PCDHGA1: variants seen among roughly 807,000 people sequenced by gnomAD.
The protein encoded by PCDHGA1 is protocadherin gamma-A1.
In PCDHGA1, 32 loss-of-function variants were observed where a neutral mutation model predicts 58.0. That is an observed-to-expected ratio of 0.55 (90% CI 0.42 to 0.74). The LOEUF is 0.74. Ranked by LOEUF, PCDHGA1 falls within the 30% of genes least tolerant of loss-of-function variation. The pLI is 0.00. For synonymous variants in PCDHGA1, 498 were observed against 501.1 expected, an observed-to-expected ratio of 0.99 and a Z score of 0.08; for missense variants, 1,205 against 1,182.3, an observed-to-expected ratio of 1.02 and a Z score of -0.28.
At chr5:141,345,063 G>T in intron 1 of PCDHGA1, 1 of 1,613,936 alleles carries the variant, frequency 6.2e-7, no homozygotes, top group Non-Finnish European at 8.5e-7. Flanking sequence ...GAATGACAAT[G>T]CTCCAGAAAT....
chr5:141,414,592 G>T, intron 1 of PCDHGA1: 1 of 1,613,920 alleles, frequency 6.2e-7, no homozygotes, highest in Non-Finnish European at 8.5e-7. Flanking sequence ...CGCCAGGGGT[G>T]CCTCCATCTT....
Position 141,489,968 on chromosome 5 carries a change from A to G in PCDHGA1, c.2422-4839A>G. 6.2e-7 allele frequency: 1 copy of G among 1,614,146 alleles called. No homozygotes were observed. The highest frequency in any genetic ancestry group is 2.2e-5 in the East Asian group (1 of 44,880). On this transcript the variant is annotated intron_variant, in intron 1 of 3. Coordinates refer to ENST00000517417, the MANE Select transcript of PCDHGA1 (RefSeq NM_018912.3). This position sits in a 1 kb window ranked among gnomAD's most constrained non-coding sequence, Gnocchi z 4.5. Reference sequence around the variant, plus strand: ...ATCAATGATAATGCTCCAACCTTCCAATCCTCAGTTCTACGTGTGGGAATC... The same window carrying G: ...ATCAATGATAATGCTCCAACCTTCCGATCCTCAGTTCTACGTGTGGGAATC...
intron 1 of PCDHGA1, chr5:141,399,718 C>T (rs770212703): frequency 6.2e-7 from 1 of 1,613,306 alleles, no homozygotes; most frequent in Non-Finnish European, 8.5e-7. Context: ...ACTACAGGCC[C>T]GCGACCAGGG....
chr5:141,454,228 T>C (rs6896225), intron 1 of PCDHGA1, among the ~76,000 whole-genome samples: 1,935 of 152,208 alleles, frequency 0.013, 54 homozygotes, highest in African/African-American at 0.044. Flanking sequence ...AAAGTAATTG[T>C]GATGAAAAGG....
Position 141,491,034 on chromosome 5 carries a change from T to C in PCDHGA1, c.2422-3773T>C, listed in dbSNP as rs375902824. On this transcript the variant is annotated intron_variant, in intron 1 of 3. Coordinates refer to ENST00000517417, the MANE Select transcript of PCDHGA1 (RefSeq NM_018912.3). The surrounding 1 kb of genome is among the most constrained non-coding windows in gnomAD (Gnocchi z 6.9). The stretch of plus-strand genomic sequence containing the variant: ...CCAAGGTGACAGCCGTGGATGCTGA[T>C]GCAGGCCACAATGCGTGGCTCTCCT... 19 of 1,614,170 alleles carry C rather than the reference T, an allele frequency of 1.2e-5. No homozygotes were observed. Among genetic ancestry groups the C allele is most frequent in the East Asian group, 4.5e-5 (2 of 44,894 alleles).
chr5:141,376,204 C>A lies in PCDHGA1; in HGVS notation c.2421+43099C>A, dbSNP rs185484474. 2.5e-6 allele frequency: 4 copies of A among 1,614,198 alleles called. No individual in the cohort carries two copies. In the African/African-American group the frequency reaches 5.3e-5, roughly 22 times the overall value. On this transcript the variant is annotated intron_variant, in intron 1 of 3. Coordinates refer to ENST00000517417, the MANE Select transcript of PCDHGA1 (RefSeq NM_018912.3). The stretch of plus-strand genomic sequence containing the variant: ...CGGTCTCCTGCGTCTTCCTGGCCTT[C>A]GTCATCGTGCTGCTGGCGCTCAGAC...
chr5:141,352,319 T>C, intron 1 of PCDHGA1: 1 of 1,614,074 alleles, frequency 6.2e-7, no homozygotes, highest in South Asian at 1.1e-5. Context: ...ACTGCAGTTT[T>C]ACCTGGTTGT....
rs754462129 is a variant in PCDHGA1, at chr5:141,490,693, G to T, written c.2422-4114G>T. 6.2e-7 allele frequency: 1 copy of T among 1,614,170 alleles called. No homozygotes were observed. Among genetic ancestry groups the T allele is most frequent in the South Asian group, 1.1e-5 (1 of 91,072 alleles). On this transcript the variant is annotated intron_variant, in intron 1 of 3. Transcript: ENST00000517417. This position sits in a 1 kb window ranked among gnomAD's most constrained non-coding sequence, Gnocchi z 5.4. Reference sequence around the variant, plus strand: ...GGCTGCCTCAGATCCAGACACTGGGGATAATGCCCGCCTCACCTACTCCAT... The same window carrying T: ...GGCTGCCTCAGATCCAGACACTGGGTATAATGCCCGCCTCACCTACTCCAT...
At chr5:141,351,128 C>G in intron 1 of PCDHGA1, 3 of 1,614,056 alleles carry the variant, frequency 1.9e-6, no homozygotes, top group Non-Finnish European at 2.5e-6. Context: ...CCTCTTCAAT[C>G]TCAATCCAAA....
intron 1 of PCDHGA1, chr5:141,357,599 C>T (rs1279511012): frequency 6.2e-7 from 1 of 1,613,924 alleles, no homozygotes; most frequent in African/African-American, 1.3e-5. Flanking sequence ...TTACTTGAAA[C>T]AAAAGGAGAC....
Position 141,455,633 on chromosome 5 carries a change from G to A in PCDHGA1, c.2422-39174G>A, listed in dbSNP as rs1049071525. On this transcript the variant is annotated intron_variant, in intron 1 of 3. Coordinates refer to ENST00000517417, the MANE Select transcript of PCDHGA1 (RefSeq NM_018912.3). ...ATGTTCTAAACACGTGGAGATATGT[G>A]GGGGGCAGCCATGTGGCCAGGAACT... Among the ~76,000 whole-genome samples, 19 of 152,198 alleles carry A rather than the reference G, an allele frequency of 1.2e-4. No homozygotes were observed. In the East Asian group the frequency reaches 3.1e-3, roughly 25 times the overall value.
intron 1 of PCDHGA1, chr5:141,351,160 T>C (rs374210350): frequency 5.6e-6 from 9 of 1,613,888 alleles, no homozygotes; most frequent in African/African-American, 2.7e-5. Context: ...TCACAACCAA[T>C]GGCACATTGG....
intron 1 of PCDHGA1, chr5:141,338,764 C>CA: frequency 7.9e-7 from 1 of 1,261,988 alleles, no homozygotes; most frequent in Non-Finnish European, 1.0e-6. Flanking sequence ...ACATCCAATC[C>CA]AGCAATACGG....
intron 1 of PCDHGA1, among the ~76,000 whole-genome samples, chr5:141,449,921 C>T (rs2098659300): frequency 6.6e-6 from 1 of 151,648 alleles, no homozygotes; most frequent in African/African-American, 2.4e-5. Flanking sequence ...TTAAATTCTA[C>T]CATACCTTAT....
At chr5:141,411,955 A>G (rs1427605209) in intron 1 of PCDHGA1, 2 of 152,244 alleles carry the variant, frequency 1.3e-5, no homozygotes, top group Admixed American at 6.5e-5. Context: ...TTTGAAGAAA[A>G]AAGATAAAAT....
chr5:141,510,209 G>T (rs1294961681), intron 3 of PCDHGA1, among the ~76,000 whole-genome samples: 12 of 151,440 alleles, frequency 7.9e-5, no homozygotes, highest in African/African-American at 2.9e-4. Flanking sequence ...GGAGGCAGAG[G>T]TTGCAGTGAG....
In PCDHGA1 at chr5:141,383,993, T is replaced by G. The variant is rs1779669421; in HGVS notation, c.2421+50888T>G. The G allele has an allele frequency of 3.7e-6, 6 of 1,613,872 alleles. No individual in the cohort carries two copies. The highest frequency in any genetic ancestry group is 1.6e-4 in the Middle Eastern group (1 of 6,062). ...CCTGAAGACACACCTCTTGGGACAG[T>G]CATTGCTCTTTTCTACCTACAAGAC... On this transcript the variant is annotated intron_variant, in intron 1 of 3. Transcript: ENST00000517417.
chr5:141,415,452 C>T, intron 1 of PCDHGA1: 1 of 1,614,240 alleles, frequency 6.2e-7, no homozygotes, highest in South Asian at 1.1e-5. Flanking sequence ...CCTATTCCCA[C>T]GAGGTCTCTC....
Position 141,431,334 on chromosome 5 carries a change from C to G in PCDHGA1, c.2422-63473C>G, listed in dbSNP as rs775651426. ...AATGGAGCCGACGGTAGTAAGTACC[C>G]CGAATTGGTGCTGAAACGCGCCCTG... On this transcript the variant is annotated intron_variant, in intron 1 of 3. Transcript: ENST00000517417. This position sits in a 1 kb window ranked among gnomAD's most constrained non-coding sequence, Gnocchi z 4.8. 1.9e-6 allele frequency: 3 copies of G among 1,614,118 alleles called. No individual in the cohort carries two copies. The South Asian group carries it at 3.3e-5, about 18-fold the overall frequency.
Sources: gnomAD v4.1 joint callset for allele counts (sites outside exome capture counted in the v4.1 genomes callset) on GRCh38, gnomAD v4.1.1 for gene constraint, Gnocchi (gnomAD v3.1) non-coding constraint, MANE v1.5 for transcripts, NCBI Gene and HGNC (gene_info 2026-07-23, HGNC 2026-07-21) for gene names.